RNF19A: variants seen among roughly 807,000 people sequenced by gnomAD.
RNF19A encodes ring finger protein 19A, RBR E3 ubiquitin protein ligase.
In RNF19A, 32 loss-of-function variants were observed where a neutral mutation model predicts 75.7. The ratio of observed to expected loss-of-function variants is 0.42; its 90% CI spans 0.32 to 0.57. The LOEUF (loss-of-function observed/expected upper bound fraction) is 0.57. Ranked by LOEUF, RNF19A falls within the 20% of genes least tolerant of loss-of-function variation. The pLI, the probability that RNF19A is intolerant of heterozygous loss-of-function variation, is 0.10. For missense variants in RNF19A, 782 were observed against 1,036.3 expected, an observed-to-expected ratio of 0.75 and a Z score of 3.37; for synonymous variants, 335 against 345.2, an observed-to-expected ratio of 0.97 and a Z score of 0.33.
chr8:100,288,916 C>A (rs193192092), intron 1 of RNF19A, among the ~76,000 whole-genome samples: 1 of 151,830 alleles, frequency 6.6e-6, no homozygotes, highest in Non-Finnish European at 1.5e-5. Context: ...AAAAACTAGC[C>A]GGGTGTGGTG....
In RNF19A at chr8:100,259,978, C is replaced by T. The variant is rs780072717; in HGVS notation, c.1702G>A (p.Val568Ile). 8.7e-6 allele frequency: 14 copies of T among 1,613,660 alleles called. No individual in the cohort carries two copies. The highest frequency in any genetic ancestry group is 1.2e-5 in the Non-Finnish European group (14 of 1,179,854). ...CTTAGACTGTACCGTTCTTTCTGTA[C>T]ATCTGCTTGTACTTCCAACCTTAAA... is the stretch of plus-strand genomic sequence containing the variant. ...CFNRLEVQADVQKERYSLSGE... is the reference protein window; with the variant it reads ...CFNRLEVQADIQKERYSLSGE... The change falls in exon 9 of 10, where the codon GTA (valine) becomes ATA (isoleucine). Residue 568 changes from valine (V) to isoleucine (I), a missense_variant. Physicochemically the swap from Val to Ile is conservative, Grantham distance 29. Transcript: ENST00000341084. This position sits in a 1 kb window ranked among gnomAD's most constrained non-coding sequence, Gnocchi z 4.5.
chr8:100,331,322 G>A lies in RNF19A; in HGVS notation c.-243+4786C>T, dbSNP rs760904952. Among the ~76,000 whole-genome samples the A allele has an allele frequency of 2.0e-5, 3 of 152,106 alleles. No homozygotes were observed. Among genetic ancestry groups the A allele is most frequent in the Non-Finnish European group, 2.9e-5 (2 of 68,018 alleles). On this transcript the variant is annotated intron_variant, in intron 1 of 3. Coordinates refer to the RNF19A transcript ENST00000519527. The surrounding 1 kb of genome is among the most constrained non-coding windows in gnomAD (Gnocchi z 5.2). ...ATATTCCCATTGCAACTCCTTTCAA[G>A]ACATCTTATTTAGAACAGAAAAACA... is the stretch of plus-strand genomic sequence containing the variant.
intron 5 of RNF19A, among the ~76,000 whole-genome samples, chr8:100,267,065 C>A (rs572115123): frequency 6.6e-6 from 1 of 152,060 alleles, no homozygotes; most frequent in Non-Finnish European, 1.5e-5. Flanking sequence ...CTGACTCAAA[C>A]GTAACAATTT....
At position 100,260,357 on chromosome 8, in the gene RNF19A, C is replaced by T. The variant is rs771262422; in HGVS notation, c.1683-360G>A. Among the ~76,000 whole-genome samples, 2 of 152,170 alleles carry T rather than the reference C, an allele frequency of 1.3e-5. No individual in the cohort carries two copies. The highest frequency in any genetic ancestry group is 2.9e-5 in the Non-Finnish European group (2 of 68,032). On this transcript the variant is annotated intron_variant, in intron 8 of 9. Coordinates refer to ENST00000341084, the MANE Select transcript of RNF19A (RefSeq NM_183419.4). The surrounding 1 kb of genome is among the most constrained non-coding windows in gnomAD (Gnocchi z 4.1). ...ACATTATTAATCATTAAACATGACA[C>T]ACCAATGAATCCAAAAATCCTGGGC...
intron 7 of RNF19A, among the ~76,000 whole-genome samples, chr8:100,262,921 AAGGTTTTTGGCCCAAGCAAC>A (rs1336777045): frequency 6.6e-6 from 1 of 152,138 alleles, no homozygotes; most frequent in Non-Finnish European, 1.5e-5. Context: ...TTGTTAAGTG[AAGGTTTTTGGCCCAAGCAAC>A]AGGAGGAATG....
chr8:100,292,487 G>C (rs1009236223), intron 1 of RNF19A, among the ~76,000 whole-genome samples: 1 of 150,252 alleles, frequency 6.7e-6, no homozygotes, highest in Non-Finnish European at 1.5e-5. Context: ...AATTGTATTT[G>C]ACTATATGGC....
intron 1 of RNF19A, among the ~76,000 whole-genome samples, chr8:100,294,343 A>G (rs1055603762): frequency 6.6e-6 from 1 of 152,152 alleles, no homozygotes; most frequent in Non-Finnish European, 1.5e-5. Flanking sequence ...AATCCCTTCT[A>G]TCTTGCTGGG....
rs1435255629 is a variant in RNF19A at position 100,325,874 on chromosome 8, T to G, written c.-243+10234A>C. On this transcript the variant is annotated intron_variant, in intron 1 of 3. Transcript: ENST00000519527. This position sits in a 1 kb window ranked among gnomAD's most constrained non-coding sequence, Gnocchi z 4.3. ...CATTTTCTTCCTTCTCTCCTCTTTT[T>G]AAAATTTATTTAATTAACAAACTGA... is the stretch of plus-strand genomic sequence containing the variant. Among the ~76,000 whole-genome samples, 1 of 152,178 alleles carries G rather than the reference T, an allele frequency of 6.6e-6. No homozygotes were observed. The highest frequency in any genetic ancestry group is 2.4e-5 in the African/African-American group (1 of 41,434).
In RNF19A at chr8:100,259,341, T is replaced by G; in HGVS notation, c.1827-95A>C. 1 of 947,476 alleles carries G rather than the reference T, an allele frequency of 1.1e-6. No individual in the cohort carries two copies. The highest frequency in any genetic ancestry group is 1.6e-5 in the South Asian group (1 of 62,958). The allele number at this position is 947,476 out of a possible 1,614,324, so 58.7% of individuals were successfully genotyped here. A position where few individuals can be genotyped will look rare whatever the true frequency, so the allele number is the denominator to read the frequency against. ...GTTTCTATGTGGAAAATTCAGACTA[T>G]ATATAAGCTATGAGAACACCTTAAC... On this transcript the variant is annotated intron_variant, in intron 9 of 9. Coordinates refer to ENST00000341084, the MANE Select transcript of RNF19A (RefSeq NM_183419.4). This position sits in a 1 kb window ranked among gnomAD's most constrained non-coding sequence, Gnocchi z 4.5.
At chr8:100,297,238 T>C (rs1821607269) in intron 1 of RNF19A, among the ~76,000 whole-genome samples, 1 of 152,250 alleles carries the variant, frequency 6.6e-6, no homozygotes. Context: ...TTACTAGATG[T>C]ACAATCTAAA....
chr8:100,285,052 T>A (rs1354996887), intron 2 of RNF19A, among the ~76,000 whole-genome samples: 1 of 152,196 alleles, frequency 6.6e-6, no homozygotes, highest in East Asian at 1.9e-4. Flanking sequence ...AATATATTTA[T>A]CTATTCTACT....
Position 100,261,427 on chromosome 8 carries a change from G to C in RNF19A, c.1682+115C>G. ...ATTTCATTTTTAACATTACTATTTT[G>C]AACCTTGACATAGTAGGGTTATATA... On this transcript the variant is annotated intron_variant, in intron 8 of 9. Transcript: ENST00000341084. The surrounding 1 kb of genome is among the most constrained non-coding windows in gnomAD (Gnocchi z 4.4). The C allele has an allele frequency of 1.1e-6, 1 of 917,702 alleles. No homozygotes were observed. The highest frequency in any genetic ancestry group is 1.7e-6 in the Non-Finnish European group (1 of 591,054). 56.8% of individuals were successfully genotyped at this position (917,702 alleles called of 1,614,324 possible).
chr8:100,274,251 G>A (rs1820396573), intron 3 of RNF19A, among the ~76,000 whole-genome samples: 1 of 152,144 alleles, frequency 6.6e-6, no homozygotes, highest in Non-Finnish European at 1.5e-5. Context: ...CAACTTGGAG[G>A]AGAGGAATAT....
In RNF19A at chr8:100,259,353, G is replaced by C. The variant is rs1006936891; in HGVS notation, c.1827-107C>G. On this transcript the variant is annotated intron_variant, in intron 9 of 9. Transcript: ENST00000341084. The surrounding 1 kb of genome is among the most constrained non-coding windows in gnomAD (Gnocchi z 4.5). ...AAAATTCAGACTATATATAAGCTAT[G>C]AGAACACCTTAACGCAGAACACGTT... The C allele has an allele frequency of 1.2e-6, 1 of 820,146 alleles. No homozygotes were observed. The highest frequency in any genetic ancestry group is 1.7e-5 in the African/African-American group (1 of 58,734). 50.8% of individuals were successfully genotyped at this position (820,146 alleles called of 1,614,324 possible).
intron 1 of RNF19A, among the ~76,000 whole-genome samples, chr8:100,321,719 A>G (rs1822467987): frequency 6.6e-6 from 1 of 152,244 alleles, no homozygotes; most frequent in Non-Finnish European, 1.5e-5. Context: ...TAAGACTTGA[A>G]AGTTGAAATT....
At chr8:100,278,865 T>G (rs1820648265) in intron 2 of RNF19A, among the ~76,000 whole-genome samples, 1 of 152,172 alleles carries the variant, frequency 6.6e-6, no homozygotes, top group South Asian at 2.1e-4. Context: ...TTTAAAAATT[T>G]CATGACAAGT....
rs573695894 is a variant in RNF19A at position 100,298,478 on chromosome 8, T to A, written c.-93-10211A>T. ...ATCATTAGTGTAGGTGAGTATCAGT[T>A]TCCAACAAGTTCTTTAGAAAGTAAA... On this transcript the variant is annotated intron_variant, in intron 1 of 9. Transcript: ENST00000341084. Among the ~76,000 whole-genome samples the A allele has an allele frequency of 2.0e-4, 30 of 152,260 alleles. No individual in the cohort carries two copies. The Middle Eastern group carries it at 0.01, about 52-fold the overall frequency.
At chr8:100,280,462 T>C (rs897336207) in intron 2 of RNF19A, among the ~76,000 whole-genome samples, 3 of 152,194 alleles carry the variant, frequency 2.0e-5, no homozygotes, top group Non-Finnish European at 4.4e-5. Context: ...TTTACTCAAA[T>C]GTTAAAGTAC....
intron 1 of RNF19A, among the ~76,000 whole-genome samples, chr8:100,304,292 A>G (rs1586680807): frequency 6.6e-6 from 1 of 152,294 alleles, no homozygotes; most frequent in South Asian, 2.1e-4. Flanking sequence ...GGGTATGGCT[A>G]TAAGGAGAAA....
Sources: allele counts gnomAD v4.1 joint callset (sites outside exome capture counted in the v4.1 genomes callset), GRCh38; gene constraint gnomAD v4.1.1; non-coding constraint Gnocchi (gnomAD v3.1); transcripts MANE v1.5; gene names NCBI Gene and HGNC (gene_info 2026-07-23, HGNC 2026-07-21).